HSF2BP: variants seen among roughly 807,000 people sequenced by gnomAD.
HSF2BP encodes the protein heat shock transcription factor 2 binding protein, also known as heat shock factor 2-binding protein.
Under a neutral mutation model 35.0 loss-of-function variants are expected in HSF2BP, and 35 were observed. The ratio of observed to expected loss-of-function variants is 1.00; its 90% confidence interval spans 0.76 to 1.32. HSF2BP has a LOEUF of 1.32. Ranked by LOEUF, HSF2BP falls within the 40% of genes most tolerant of loss-of-function variation. The pLI, the probability that HSF2BP is intolerant of heterozygous loss-of-function variation, is 0.00. For synonymous variants in HSF2BP, 114 were observed against 117.4 expected (o/e 0.97, Z 0.18); for missense variants, 326 against 321.7 (o/e 1.01, Z -0.10).
chr21:43,643,047 C>T (rs2147076338), intron 4 of HSF2BP, among the ~76,000 whole-genome samples: 1 of 152,092 alleles, frequency 6.6e-6, no homozygotes, highest in East Asian at 1.9e-4. Context: ...AAAAATATAT[C>T]CAGGCCCCAA....
chr21:43,646,218 TCA>T lies in HSF2BP; in HGVS notation c.188-1828_188-1827del, dbSNP rs372473118. Among the ~76,000 whole-genome samples the T allele has an allele frequency of 3.3e-3, 494 of 151,826 alleles. 2 individuals are homozygous for T. The highest frequency in any genetic ancestry group is 0.011 in the African/African-American group (457 of 41,392). On this transcript the variant is annotated intron_variant, in intron 3 of 8. Coordinates refer to ENST00000291560, the MANE Select transcript of HSF2BP (RefSeq NM_007031.2). ...TTTGGACTATTTCCTCTCCCTCAAA[TCA>T]CAGTTTCATTTTCTGCTCTTTTAAG...
At chr21:43,651,507 T>C (rs191703091) in intron 3 of HSF2BP, among the ~76,000 whole-genome samples, 1 of 152,140 alleles carries the variant, frequency 6.6e-6, no homozygotes, top group Non-Finnish European at 1.5e-5. Context: ...TCTTCAAACC[T>C]ATCCTACACT....
At position 43,577,701 on chromosome 21, in the gene HSF2BP, C is replaced by T. The variant is rs547710577; in HGVS notation, c.796+14524G>A. On this transcript the variant is annotated intron_variant, in intron 8 of 8. Coordinates refer to ENST00000291560, the MANE Select transcript of HSF2BP (RefSeq NM_007031.2). Reference sequence around the variant, plus strand: ...GCCATCATATCCCCTGTGACCTGCACGTATACACCCAGATGGCCTGAAGCA... The same window carrying T: ...GCCATCATATCCCCTGTGACCTGCATGTATACACCCAGATGGCCTGAAGCA... Among the ~76,000 whole-genome samples the T allele has an allele frequency of 9.2e-5, 14 of 152,292 alleles. No individual in the cohort carries two copies. The East Asian group carries it at 2.5e-3, about 27-fold the overall frequency.
At position 43,588,746 on chromosome 21, in the gene HSF2BP, C is replaced by T. The variant is rs1476164499; in HGVS notation, c.796+3479G>A. On this transcript the variant is annotated intron_variant, in intron 8 of 8. Transcript: ENST00000291560. The stretch of plus-strand genomic sequence containing the variant: ...TCCTCTCCCACAGACTGACACTGTC[C>T]GCTTGCTCACGGCCCGTAACAACCA... 8.5e-5 allele frequency among the ~76,000 whole-genome samples: 13 copies of T among 152,300 alleles called. 1 individual carries two copies. In the South Asian group the frequency reaches 1.0e-3, roughly 12 times the overall value.
chr21:43,637,011 G>A (rs2082571251), intron 4 of HSF2BP, among the ~76,000 whole-genome samples: 1 of 151,604 alleles, frequency 6.6e-6, no homozygotes, highest in African/African-American at 2.4e-5. Flanking sequence ...GGAACAGGAC[G>A]AGCGAAGTGG....
In HSF2BP at chr21:43,592,389, A is replaced by G. The variant is rs1460665178; in HGVS notation, c.693-61T>C. On this transcript the variant is annotated intron_variant, in intron 7 of 8. Coordinates refer to ENST00000291560, the MANE Select transcript of HSF2BP (RefSeq NM_007031.2). ...ATCCACACTACATTTCACCCTAAAC[A>G]TACCTACTAGTTAAGAGGAACTTAA... 7 of 1,075,634 alleles carry G rather than the reference A, an allele frequency of 6.5e-6. No homozygotes were observed. The East Asian group carries it at 7.1e-5, about 11-fold the overall frequency. The allele number at this position is 1,075,634 out of a possible 1,614,324, so 66.6% of individuals were successfully genotyped here. A position where few individuals can be genotyped will look rare whatever the true frequency, so the allele number is the denominator to read the frequency against.
At chr21:43,585,420 TG>T (rs1172167633) in intron 8 of HSF2BP, among the ~76,000 whole-genome samples, 1 of 152,134 alleles carries the variant, frequency 6.6e-6, no homozygotes, top group Non-Finnish European at 1.5e-5. Flanking sequence ...GTTCATGGCC[TG>T]GAAGGATGGA....
chr21:43,468,042 ACAC>A, the HSF2BP span, among the ~76,000 whole-genome samples: 10 of 131,706 alleles, frequency 7.6e-5, no homozygotes, highest in African/African-American at 2.1e-4. Context: ...ACCACACCAC[ACAC>A]AACCATACCA....
At chr21:43,628,193 G>A (rs2082412335) in intron 6 of HSF2BP, among the ~76,000 whole-genome samples, 2 of 152,338 alleles carry the variant, frequency 1.3e-5, no homozygotes, top group African/African-American at 4.8e-5. Context: ...AGCTAGAAAT[G>A]ATTAAGCTTA....
intron 6 of HSF2BP, among the ~76,000 whole-genome samples, chr21:43,618,861 C>A (rs562418620): frequency 6.6e-6 from 1 of 151,000 alleles, no homozygotes; most frequent in East Asian, 1.9e-4. Context: ...AAAAGAATGG[C>A]GTGAACCCGG....
chr21:43,626,869 T>A (rs141080658), intron 6 of HSF2BP, among the ~76,000 whole-genome samples: 4,994 of 40,332 alleles, frequency 0.12, 135 homozygotes, highest in Middle Eastern at 0.27. Context: ...ACCAAGAAAT[T>A]TTTTTTTTTT....
intron 7 of HSF2BP, among the ~76,000 whole-genome samples, chr21:43,594,299 G>A (rs1426686818): frequency 6.6e-6 from 1 of 152,186 alleles, no homozygotes; most frequent in African/African-American, 2.4e-5. Context: ...CAAGGAGGGA[G>A]TAAGTAAAGG....
intron 6 of HSF2BP, among the ~76,000 whole-genome samples, chr21:43,624,716 A>C (rs1312160123): frequency 6.6e-6 from 1 of 152,230 alleles, no homozygotes; most frequent in Non-Finnish European, 1.5e-5. Flanking sequence ...TGAATACATA[A>C]ACCAGAGACA....
intron 6 of HSF2BP, among the ~76,000 whole-genome samples, chr21:43,615,748 A>G (rs1466568295): frequency 6.6e-6 from 1 of 152,202 alleles, no homozygotes; most frequent in Non-Finnish European, 1.5e-5. Flanking sequence ...TAGTTTTACT[A>G]AGGAAATATT....
the HSF2BP span, among the ~76,000 whole-genome samples, chr21:43,467,941 A>G: frequency 5.0e-5 from 5 of 99,564 alleles, no homozygotes; most frequent in African/African-American, 1.2e-4. Context: ...CCACACACAC[A>G]CACCACACAC....
Position 43,627,498 on chromosome 21 carries a change from C to G in HSF2BP, c.574+2824G>C, listed in dbSNP as rs758467781. Among the ~76,000 whole-genome samples, 8 of 152,332 alleles carry G rather than the reference C, an allele frequency of 5.3e-5. No individual in the cohort carries two copies. The East Asian group carries it at 7.7e-4, about 15-fold the overall frequency. Reference sequence around the variant, plus strand: ...GCAAACTCATCTGTTTCCTTCAGATCATTCATTCTTAATAACTGATACTTA... The same window carrying G: ...GCAAACTCATCTGTTTCCTTCAGATGATTCATTCTTAATAACTGATACTTA... On this transcript the variant is annotated intron_variant, in intron 6 of 8. Transcript: ENST00000291560.
chr21:43,614,482 A>G (rs1233180401), intron 6 of HSF2BP, among the ~76,000 whole-genome samples: 1 of 152,166 alleles, frequency 6.6e-6, no homozygotes, highest in Non-Finnish European at 1.5e-5. Context: ...CGAAAGAGTG[A>G]AACAGAGCCC....
Position 43,658,076 on chromosome 21 carries a change from A to C in HSF2BP, c.21T>G (p.Ala7=). MGEAGA[A]EEACRHMGTK... is the part of the protein sequence containing the mutation. The stretch of plus-strand genomic sequence containing the variant: ...CCTCACTAACCCGGCAGGCCTCCTC[A>C]GCGGCGCCCGCTTCGCCCATGGCCG... The change falls in exon 2 of 9, where the codon GCT becomes GCG. Residue 7 remains alanine (A), a synonymous_variant. Coordinates refer to ENST00000291560, the MANE Select transcript of HSF2BP (RefSeq NM_007031.2). 6.5e-7 allele frequency: 1 copy of C among 1,535,492 alleles called. No individual in the cohort carries two copies. The highest frequency in any genetic ancestry group is 8.7e-7 in the Non-Finnish European group (1 of 1,146,064).
intron 3 of HSF2BP, among the ~76,000 whole-genome samples, chr21:43,655,990 T>C (rs575781161): frequency 6.6e-6 from 1 of 152,354 alleles, no homozygotes; most frequent in Admixed American, 6.5e-5. Flanking sequence ...AATTGGCCTT[T>C]ACCGTCAAAG....
Sources: allele counts gnomAD v4.1 joint callset (sites outside exome capture counted in the v4.1 genomes callset), GRCh38; gene constraint gnomAD v4.1.1; transcripts MANE v1.5; gene names NCBI Gene and HGNC (gene_info 2026-07-23, HGNC 2026-07-21).